The following SGCZ variants were observed in gnomAD, a reference collection of about 807,000 sequenced individuals.
The protein encoded by SGCZ is sarcoglycan zeta, also known as zeta-sarcoglycan.
In SGCZ, 40 loss-of-function variants were observed where a neutral mutation model predicts 41.3. That is an observed-to-expected ratio of 0.97 (90% CI 0.75 to 1.26). The LOEUF (loss-of-function observed/expected upper bound fraction) is 1.26. Ranked by LOEUF, SGCZ falls within the 50% of genes most tolerant of loss-of-function variation. SGCZ has a pLI of 0.00. For synonymous variants in SGCZ, 206 were observed against 137.5 expected (o/e 1.50, Z -3.49); for missense variants, 552 against 369.8 (o/e 1.49, Z -4.04).
At chr8:15,169,950 T>C (rs4831687) in intron 1 of SGCZ, among the ~76,000 whole-genome samples, 55,380 of 152,070 alleles carry the variant, frequency 0.36, 12,284 homozygotes, top group Non-Finnish European at 0.47. Flanking sequence ...AATTTCATCA[T>C]AGATATTTGT....
In SGCZ at chr8:14,233,976, A is replaced by T. The variant is rs143019761; in HGVS notation, c.424+3616T>A. Reference sequence around the variant, plus strand: ...TCTCTTTCAGCTTTATTCTAAGAAGAGAAATTTGGAGGAAGAAATCTTGAG... The same window carrying T: ...TCTCTTTCAGCTTTATTCTAAGAAGTGAAATTTGGAGGAAGAAATCTTGAG... On this transcript the variant is annotated intron_variant, in intron 4 of 7. Coordinates refer to ENST00000382080, the MANE Select transcript of SGCZ (RefSeq NM_139167.4). Among the ~76,000 whole-genome samples, 1,153 of 152,096 alleles carry T rather than the reference A, an allele frequency of 7.6e-3. 16 individuals are homozygous for T. Among genetic ancestry groups the T allele is most frequent in the African/African-American group, 0.027 (1,103 of 41,540 alleles).
chr8:14,662,755 C>G (rs1178913275), intron 1 of SGCZ, among the ~76,000 whole-genome samples: 1 of 152,144 alleles, frequency 6.6e-6, no homozygotes, highest in African/African-American at 2.4e-5. Context: ...CCTGCATTAT[C>G]CACAAGCATG....
chr8:15,160,771 G>C (rs1799487920), intron 1 of SGCZ, among the ~76,000 whole-genome samples: 1 of 152,210 alleles, frequency 6.6e-6, no homozygotes, highest in Admixed American at 6.5e-5. Flanking sequence ...GCTCTTGTCA[G>C]TTGAGGGCCA....
rs189835688 is a variant in SGCZ, at chr8:14,625,421, T to G, written c.40-70495A>C. Among the ~76,000 whole-genome samples the G allele has an allele frequency of 2.0e-5, 3 of 152,296 alleles. No homozygotes were observed. The East Asian group carries it at 5.8e-4, about 29-fold the overall frequency. On this transcript the variant is annotated intron_variant, in intron 1 of 7. Coordinates refer to ENST00000382080, the MANE Select transcript of SGCZ (RefSeq NM_139167.4). ...GTAACTTATGATCAAGACTGCAGAATATATATTTTATGATACATTGTTTTA... is the reference window on the plus strand; with the variant it reads ...GTAACTTATGATCAAGACTGCAGAAGATATATTTTATGATACATTGTTTTA...
In SGCZ at chr8:14,235,672, T is replaced by A. The variant is rs1237355445; in HGVS notation, c.424+1920A>T. On this transcript the variant is annotated intron_variant, in intron 4 of 7. Coordinates refer to ENST00000382080, the MANE Select transcript of SGCZ (RefSeq NM_139167.4). ...GTGTCTGACAGTGGGCATGGGTATA[T>A]ATTCTTGGTGCACTTAATTTACGTT... 2.0e-5 allele frequency among the ~76,000 whole-genome samples: 3 copies of A among 152,108 alleles called. No homozygotes were observed. The East Asian group carries it at 5.8e-4, about 29-fold the overall frequency.
chr8:14,391,448 A>C (rs796281057), intron 2 of SGCZ, among the ~76,000 whole-genome samples: 5 of 152,258 alleles, frequency 3.3e-5, no homozygotes, highest in African/African-American at 1.2e-4. Context: ...ATATGTATCA[A>C]AAAAGATTAA....
intron 1 of SGCZ, among the ~76,000 whole-genome samples, chr8:14,950,095 TC>T (rs1280995436): frequency 6.6e-6 from 1 of 152,078 alleles, no homozygotes; most frequent in Non-Finnish European, 1.5e-5. Flanking sequence ...TCTAAAACAA[TC>T]CTGAAATACT....
intron 2 of SGCZ, among the ~76,000 whole-genome samples, chr8:14,470,708 G>A (rs963418594): frequency 1.1e-4 from 17 of 152,164 alleles, no homozygotes; most frequent in Admixed American, 7.9e-4. Context: ...GATGCAGAAC[G>A]GAGATGAATA....
chr8:14,643,095 C>A (rs57490436), intron 1 of SGCZ, among the ~76,000 whole-genome samples: 26,073 of 151,464 alleles, frequency 0.17, 2,511 homozygotes, highest in South Asian at 0.31. Flanking sequence ...TCTTCTCCTT[C>A]TACCTATACA....
At chr8:14,751,957 A>T (rs1215698258) in intron 1 of SGCZ, among the ~76,000 whole-genome samples, 2 of 151,860 alleles carry the variant, frequency 1.3e-5, no homozygotes, top group African/African-American at 2.4e-5. Context: ...AAACAAAAAA[A>T]AAAAACACCT....
intron 3 of SGCZ, among the ~76,000 whole-genome samples, chr8:14,286,223 G>C (rs1177627603): frequency 5.3e-5 from 8 of 152,084 alleles, no homozygotes; most frequent in Admixed American, 5.2e-4. Context: ...ATTCCTTGAA[G>C]TGACTTTGTC....
chr8:14,937,521 G>A (rs905852893), intron 1 of SGCZ, among the ~76,000 whole-genome samples: 5 of 151,990 alleles, frequency 3.3e-5, no homozygotes, highest in Non-Finnish European at 5.9e-5. Flanking sequence ...ATTTTATCAA[G>A]TTATCTCTTT....
chr8:14,892,026 G>A (rs903869587), intron 1 of SGCZ, among the ~76,000 whole-genome samples: 47 of 152,130 alleles, frequency 3.1e-4, no homozygotes, highest in African/African-American at 1.1e-3. Context: ...AACAAATTCG[G>A]GTGACTTGCT....
chr8:15,220,916 GA>G (rs1303347508), intron 1 of SGCZ, among the ~76,000 whole-genome samples: 3 of 152,092 alleles, frequency 2.0e-5, no homozygotes, highest in African/African-American at 7.2e-5. Context: ...CACAAGTACA[GA>G]AAACCAAACA....
chr8:14,269,457 G>A (rs1032194358), intron 3 of SGCZ, among the ~76,000 whole-genome samples: 7 of 151,766 alleles, frequency 4.6e-5, no homozygotes, highest in Non-Finnish European at 7.4e-5. Context: ...ATTTCAAAAC[G>A]AGGCACTGCA....
intron 1 of SGCZ, among the ~76,000 whole-genome samples, chr8:15,176,179 G>C (rs543768201): frequency 1.3e-5 from 2 of 152,124 alleles, no homozygotes; most frequent in African/African-American, 4.8e-5. Flanking sequence ...AAATAGGTTT[G>C]GTCATTTAAA....
chr8:14,468,733 G>T (rs182045075), intron 2 of SGCZ, among the ~76,000 whole-genome samples: 1 of 152,092 alleles, frequency 6.6e-6, no homozygotes. Flanking sequence ...ATAAAAATCA[G>T]TTTCTCCTAG....
intron 1 of SGCZ, among the ~76,000 whole-genome samples, chr8:14,809,833 A>T (rs1224337190): frequency 6.6e-6 from 1 of 152,118 alleles, no homozygotes; most frequent in Non-Finnish European, 1.5e-5. Context: ...AAGTACTATT[A>T]ATTCTGATGT....
intron 1 of SGCZ, among the ~76,000 whole-genome samples, chr8:15,046,024 A>G (rs556160469): frequency 3.3e-5 from 5 of 152,232 alleles, no homozygotes; most frequent in South Asian, 2.1e-4. Flanking sequence ...TTAATACCAT[A>G]TAGATTTCAT....
Sources: allele counts gnomAD v4.1 joint callset (sites outside exome capture counted in the v4.1 genomes callset), GRCh38; gene constraint gnomAD v4.1.1; transcripts MANE v1.5; gene names NCBI Gene and HGNC (gene_info 2026-07-23, HGNC 2026-07-21).